The following MIB1 variants were observed in gnomAD, a reference collection of about 807,000 sequenced individuals.
The protein encoded by MIB1 is E3 ubiquitin-protein ligase MIB1.
A neutral mutation model predicts 124.5 loss-of-function variants in MIB1; 278 were observed. The observed-to-expected ratio is 2.23, with a 90% CI of 2.02 to 2.47. MIB1 has a LOEUF of 2.47. MIB1 is among the 30% of genes most tolerant of loss of function. The pLI is 0.00. For synonymous variants in MIB1, 446 were observed against 429.4 expected (o/e 1.04, Z -0.48); for missense variants, 957 against 1,254.4 (o/e 0.76, Z 3.58).
intron 1 of MIB1, among the ~76,000 whole-genome samples, chr18:21,752,343 G>A (rs2040984047): frequency 6.6e-6 from 1 of 151,822 alleles, no homozygotes; most frequent in Non-Finnish European, 1.5e-5. Flanking sequence ...TTTTTAATGA[G>A]GAAAATTGCC....
chr18:21,743,913 T>C (rs2040884301), intron 1 of MIB1, among the ~76,000 whole-genome samples: 1 of 152,172 alleles, frequency 6.6e-6, no homozygotes, highest in African/African-American at 2.4e-5. Flanking sequence ...CGTAGATGTT[T>C]TTCAGAAGTA....
chr18:21,799,818 C>T (rs2041629482), intron 8 of MIB1, 23 bp from the exon 9 acceptor site: 1 of 1,597,678 alleles, frequency 6.3e-7, no homozygotes, highest in Non-Finnish European at 8.5e-7. Flanking sequence ...CCTATATTAG[C>T]AGCTTTATTT....
chr18:21,757,451 C>CAA (rs1202189616), intron 1 of MIB1, among the ~76,000 whole-genome samples: 485 of 13,262 alleles, frequency 0.037, 114 homozygotes, highest in African/African-American at 0.077. Flanking sequence ...GACTCTGTCT[C>CAA]AAAAAAAAAA....
At chr18:21,711,074 G>T (rs2040663662) in intron 1 of MIB1, among the ~76,000 whole-genome samples, 1 of 151,720 alleles carries the variant, frequency 6.6e-6, no homozygotes, top group Non-Finnish European at 1.5e-5. Context: ...TGATCCACCT[G>T]CCTCGGCCTC....
chr18:21,797,982 T>C, intron 7 of MIB1, 102 bp from the exon 8 acceptor site: 3 of 1,129,720 alleles, frequency 2.7e-6, no homozygotes, highest in Non-Finnish European at 3.8e-6. Context: ...GTTTTTTCAT[T>C]AGTAATAAGT....
At chr18:21,709,769 A>AG (rs1284319051) in intron 1 of MIB1, among the ~76,000 whole-genome samples, 2 of 152,234 alleles carry the variant, frequency 1.3e-5, no homozygotes, top group Non-Finnish European at 2.9e-5. Context: ...GGAGCAACTT[A>AG]GCCACATCCA....
Position 21,857,186 on chromosome 18 carries a change from GT to G in MIB1, c.2723del (p.Val908GlyfsTer60). 1.9e-6 allele frequency: 3 copies of G among 1,614,176 alleles called. No individual in the cohort carries two copies. Among genetic ancestry groups the G allele is most frequent in the Non-Finnish European group, 2.5e-6 (3 of 1,180,006 alleles). The part of the protein sequence containing the change: ...VQCRAVVERR[V>X]PFIMCCGGKS... ...GTGTCGAGCAGTAGTTGAACGAAGAGTGCCTTTCATTATGTGCTGTGGAGGG... is the reference window on the plus strand; with the variant it reads ...GTGTCGAGCAGTAGTTGAACGAAGAGGCCTTTCATTATGTGCTGTGGAGGG... On this transcript the variant is annotated frameshift_variant, in exon 19 of 21. Transcript: ENST00000261537. LOFTEE classifies it high-confidence loss of function.
rs546661932 is a variant in MIB1, at chr18:21,790,029, T to A, written c.909-1345T>A. ...ATTAAAACGATTATTTTGAAGATGA[T>A]AGCAGCGTGGAAAATGCCTGTATAA... is the stretch of plus-strand genomic sequence containing the variant. On this transcript the variant is annotated intron_variant, in intron 6 of 20. Transcript: ENST00000261537. 2.0e-5 allele frequency among the ~76,000 whole-genome samples: 3 copies of A among 152,200 alleles called. No individual in the cohort carries two copies. The South Asian group carries it at 6.2e-4, about 31-fold the overall frequency.
intron 12 of MIB1, among the ~76,000 whole-genome samples, chr18:21,821,784 G>A (rs2041881169): frequency 6.6e-6 from 1 of 151,750 alleles, no homozygotes; most frequent in Non-Finnish European, 1.5e-5. Flanking sequence ...GTATTTTTTA[G>A]TAGAGACGGG....
At chr18:21,726,875 A>C (rs1180601555) in intron 1 of MIB1, among the ~76,000 whole-genome samples, 9 of 152,230 alleles carry the variant, frequency 5.9e-5, no homozygotes. Context: ...AGCAAAGTCC[A>C]TATAAATGGG....
Position 21,765,947 on chromosome 18 carries a change from G to A in MIB1, c.401+4G>A. The A allele has an allele frequency of 6.2e-7, 1 of 1,613,754 alleles. No homozygotes were observed. Among genetic ancestry groups the A allele is most frequent in the Non-Finnish European group, 8.5e-7 (1 of 1,179,734 alleles). On this transcript the variant is annotated splice_donor_region_variant and intron_variant, in intron 2 of 20. Coordinates refer to ENST00000261537, the MANE Select transcript of MIB1 (RefSeq NM_020774.4). ...TTACTACACCGGGAAGTGAGAGGTAGGGAGAACCCTTTTCTTCTTCAACCG... is the reference window on the plus strand; with the variant it reads ...TTACTACACCGGGAAGTGAGAGGTAAGGAGAACCCTTTTCTTCTTCAACCG...
At chr18:21,773,838 C>T (rs373727809) in intron 4 of MIB1, 110 bp downstream of exon 4, 22 of 619,394 alleles carry the variant, frequency 3.6e-5, no homozygotes, top group South Asian at 2.2e-4. Context: ...AGAACCTTTA[C>T]GTTTTTACTA....
At chr18:21,744,832 A>G (rs2040894926) in intron 1 of MIB1, among the ~76,000 whole-genome samples, 1 of 152,204 alleles carries the variant, frequency 6.6e-6, no homozygotes, top group African/African-American at 2.4e-5. Context: ...AATTTTACCA[A>G]CTGTTGCTTT....
intron 12 of MIB1, among the ~76,000 whole-genome samples, chr18:21,819,848 T>TA (rs2041863711): frequency 6.6e-6 from 1 of 152,224 alleles, no homozygotes; most frequent in Non-Finnish European, 1.5e-5. Context: ...AATGATTATT[T>TA]AAGTTTATAT....
chr18:21,784,725 G>A (rs546887023), intron 6 of MIB1, among the ~76,000 whole-genome samples: 6 of 152,246 alleles, frequency 3.9e-5, no homozygotes, highest in South Asian at 4.1e-4. Context: ...CCTCTGTCAC[G>A]CCCAGACAGG....
intron 12 of MIB1, among the ~76,000 whole-genome samples, chr18:21,837,812 A>G (rs2042047673): frequency 6.6e-6 from 1 of 152,218 alleles, no homozygotes. Context: ...TTTGCAATTC[A>G]TGATAACCAG....
At chr18:21,744,762 G>A (rs1366645528) in intron 1 of MIB1, among the ~76,000 whole-genome samples, 3 of 152,234 alleles carry the variant, frequency 2.0e-5, no homozygotes, top group Non-Finnish European at 4.4e-5. Flanking sequence ...ATCGTACCAG[G>A]AGGTACATGG....
intron 6 of MIB1, among the ~76,000 whole-genome samples, chr18:21,784,891 C>T (rs935316243): frequency 5.9e-5 from 9 of 152,100 alleles, no homozygotes; most frequent in Non-Finnish European, 1.2e-4. Context: ...CAGCCAGGCC[C>T]GCCCGCAGCC....
At chr18:21,831,913 TA>T (rs2041987745) in intron 12 of MIB1, among the ~76,000 whole-genome samples, 1 of 152,180 alleles carries the variant, frequency 6.6e-6, no homozygotes, top group Non-Finnish European at 1.5e-5. Context: ...TTTTGATTGA[TA>T]AAAAATGTTA....
Sources: gnomAD v4.1 joint callset for allele counts (sites outside exome capture counted in the v4.1 genomes callset) on GRCh38, gnomAD v4.1.1 for gene constraint, MANE v1.5 for transcripts, NCBI Gene and HGNC (gene_info 2026-07-23, HGNC 2026-07-21) for gene names.